Variants in XYLB observed in about 807,000 individuals in gnomAD.
The protein encoded by XYLB is xylulokinase.
A neutral mutation model predicts 78.7 loss-of-function variants in XYLB; 62 were observed. That is an observed-to-expected ratio of 0.79 (90% confidence interval 0.64 to 0.97). The LOEUF (loss-of-function observed/expected upper bound fraction) is 0.97. XYLB is among the 50% of genes least tolerant of loss of function. The pLI is 0.00. For missense variants in XYLB, 687 were observed against 676.8 expected, an observed-to-expected ratio of 1.02 and a Z score of -0.17; for synonymous variants, 245 against 247.4, an observed-to-expected ratio of 0.99 and a Z score of 0.09.
the XYLB span, among the ~76,000 whole-genome samples, chr3:38,431,363 G>T: frequency 6.6e-6 from 1 of 152,108 alleles, no homozygotes; most frequent in South Asian, 2.1e-4. Context: ...TCTGTTCTTG[G>T]TGTATAGGAA....
In XYLB at chr3:38,398,069, T is replaced by C. The variant is rs556858300; in HGVS notation, c.1438+910T>C. Among the ~76,000 whole-genome samples the C allele has an allele frequency of 7.9e-5, 12 of 151,726 alleles. 1 individual carries two copies. In the South Asian group the frequency reaches 8.3e-4, roughly 11 times the overall value. On this transcript the variant is annotated intron_variant, in intron 17 of 18. Transcript: ENST00000207870. ...TCCTGACTTTGTGATCTGCCCACCT[T>C]GGCCTCCCAAAGTACTGGGATTACA...
At chr3:38,429,741 G>A in the XYLB span, among the ~76,000 whole-genome samples, 1 of 152,164 alleles carries the variant, frequency 6.6e-6, no homozygotes, top group Admixed American at 6.5e-5. Context: ...GGTGTGTGAT[G>A]TTCCCCTCCC....
the XYLB span, among the ~76,000 whole-genome samples, chr3:38,449,553 C>T: frequency 8.5e-5 from 13 of 152,246 alleles, no homozygotes; most frequent in African/African-American, 2.7e-4. Flanking sequence ...CCATCACACC[C>T]AGCTTACTCT....
chr3:38,346,910 C>T lies in XYLB; in HGVS notation c.42C>T (p.Asp14=). ...CTCGCCGCTGCTGCCTGGGCTGGGA[C>T]TTCAGCACGCAGCAGGTACAGTCGC... ...HAPRRCCLGW[D]FSTQQVKVVA... Residue 14 remains aspartate (D), a synonymous_variant, in exon 1 of 19, where the codon GAC becomes GAT. Transcript: ENST00000207870. The T allele has an allele frequency of 6.6e-7, 1 of 1,515,036 alleles. No individual in the cohort carries two copies. 93.8% of individuals were successfully genotyped at this position (1,515,036 alleles called of 1,614,324 possible).
At chr3:38,379,373 G>C in intron 15 of XYLB, 31 bp downstream of exon 15, 1 of 1,610,978 alleles carries the variant, frequency 6.2e-7, no homozygotes. Context: ...ATGTGTCCCG[G>C]GGTGGGGGCT....
intron 17 of XYLB, among the ~76,000 whole-genome samples, chr3:38,397,460 C>G (rs1575524161): frequency 6.6e-6 from 1 of 152,286 alleles, no homozygotes; most frequent in Non-Finnish European, 1.5e-5. Context: ...AGCACGTGGG[C>G]ATGAGTCTGG....
downstream of XYLB, among the ~76,000 whole-genome samples, chr3:38,416,204 A>C (rs928304897): frequency 6.6e-6 from 1 of 152,146 alleles, no homozygotes; most frequent in African/African-American, 2.4e-5. Flanking sequence ...AAGAAGGGAG[A>C]GAGGAAGAGG....
rs573296381 is a variant in XYLB at position 38,405,307 on chromosome 3, C to T, written c.1533+4322C>T. ...ATCCCAGCACTTTGGGAGGCTGAGG[C>T]GGGAGGATCACTTGAGGCCAGGAGC... On this transcript the variant is annotated intron_variant, in intron 18 of 18. Transcript: ENST00000207870. 2.1e-3 allele frequency among the ~76,000 whole-genome samples: 302 copies of T among 143,072 alleles called. 1 individual carries two copies. The highest frequency in any genetic ancestry group is 6.4e-3 in the African/African-American group (248 of 38,484). The allele number at this position is 143,072 out of a possible 152,430, so 93.9% of individuals were successfully genotyped here.
intron 1 of XYLB, 84 bp downstream of exon 1, chr3:38,347,009 A>G: frequency 1.6e-6 from 2 of 1,279,326 alleles, no homozygotes; most frequent in Non-Finnish European, 2.0e-6. Context: ...CGGACGCGGG[A>G]AAACATGGGC....
At position 38,395,528 on chromosome 3, in the gene XYLB, A is replaced by T. The variant is rs375509475; in HGVS notation, c.1315A>T (p.Thr439Ser). 6.2e-6 allele frequency: 10 copies of T among 1,614,122 alleles called. No individual in the cohort carries two copies. The African/African-American group carries it at 1.3e-4, about 22-fold the overall frequency. ...AGTGTCCAAGACAAAGATTTTGGCC[A>T]CAGGAGGAGCATCTCACAATAGAGA... is the stretch of plus-strand genomic sequence containing the variant. ...RVMSKTKILA[T>S]GGASHNREIL... is the part of the protein sequence containing the mutation. The change falls in exon 16 of 19, where the codon ACA becomes TCA. Residue 439 changes from threonine to serine, a missense_variant. By Grantham distance (58) the Thr-to-Ser change is moderately conservative (BLOSUM62 1). Coordinates refer to ENST00000207870, the MANE Select transcript of XYLB (RefSeq NM_005108.4).
intron 7 of XYLB, 64 bp downstream of exon 7, chr3:38,366,937 T>C: frequency 1.8e-6 from 2 of 1,119,292 alleles, no homozygotes; most frequent in Non-Finnish European, 2.7e-6. Flanking sequence ...TATGTTAGAA[T>C]AGATACATCT....
At chr3:38,386,150 C>A (rs1405761849) in intron 15 of XYLB, among the ~76,000 whole-genome samples, 4 of 152,120 alleles carry the variant, frequency 2.6e-5, no homozygotes, top group African/African-American at 4.8e-5. Flanking sequence ...GTTGATTCTT[C>A]TGACCCCTCC....
At position 38,409,090 on chromosome 3, in the gene XYLB, G is replaced by A. The variant is rs556402507; in HGVS notation, c.1534-3846G>A. Among the ~76,000 whole-genome samples the A allele has an allele frequency of 2.0e-5, 3 of 152,290 alleles. No homozygotes were observed. In the East Asian group the frequency reaches 5.8e-4, roughly 29 times the overall value. On this transcript the variant is annotated intron_variant, in intron 18 of 18. Coordinates refer to ENST00000207870, the MANE Select transcript of XYLB (RefSeq NM_005108.4). The stretch of plus-strand genomic sequence containing the variant: ...CGGGCAGAGACAGAAACAAAAAAGA[G>A]AATTTTAGACCAATATCCTTGATGA...
At chr3:38,419,597 T>TAG (rs1708911157), downstream of XYLB, among the ~76,000 whole-genome samples, 1 of 122,586 alleles carries the variant, frequency 8.2e-6, no homozygotes, top group Non-Finnish European at 1.8e-5. Flanking sequence ...TATATATATA[T>TAG]ATATATAATA....
Position 38,378,376 on chromosome 3 carries a change from G to A in XYLB, c.1195-870G>A, listed in dbSNP as rs896172640. Among the ~76,000 whole-genome samples, 62 of 152,256 alleles carry A rather than the reference G, an allele frequency of 4.1e-4. 1 individual carries two copies. Among genetic ancestry groups the A allele is most frequent in the Admixed American group, 4.1e-3 (62 of 15,292 alleles). On this transcript the variant is annotated intron_variant, in intron 14 of 18. Transcript: ENST00000207870. ...AAACATTGGTGGCCCTTGCTCCCCA[G>A]AGCCTGCTGTCTAGGAGGGAGAGGG...
chr3:38,397,004 C>T, intron 16 of XYLB, 68 bp from the exon 17 acceptor site: 1 of 1,502,350 alleles, frequency 6.7e-7, no homozygotes, highest in Non-Finnish European at 9.3e-7. Flanking sequence ...CTGGAAAGTG[C>T]ATCCCACAAT....
At chr3:38,376,611 G>T (rs192332008) in intron 13 of XYLB, among the ~76,000 whole-genome samples, 1 of 152,342 alleles carries the variant, frequency 6.6e-6, no homozygotes, top group African/African-American at 2.4e-5. Context: ...AGCAGGGAGG[G>T]TCTGTGCCTC....
chr3:38,375,911 C>T (rs753519067), intron 12 of XYLB, among the ~76,000 whole-genome samples: 7 of 152,166 alleles, frequency 4.6e-5, no homozygotes, highest in Non-Finnish European at 7.3e-5. Context: ...AAGACAAGGG[C>T]GTTTCCGGCA....
At chr3:38,355,605 T>G in intron 2 of XYLB, 2 of 601,978 alleles carry the variant, frequency 3.3e-6, no homozygotes, top group South Asian at 4.1e-5. Context: ...CTGCCTTCCT[T>G]GTAGTTATGT....
Sources: allele counts gnomAD v4.1 joint callset (sites outside exome capture counted in the v4.1 genomes callset), GRCh38; gene constraint gnomAD v4.1.1; transcripts MANE v1.5; gene names NCBI Gene and HGNC (gene_info 2026-07-23, HGNC 2026-07-21).